The following CPNE1 variants were observed in gnomAD, a reference collection of about 807,000 sequenced individuals.
CPNE1 encodes the protein copine-1.
Under a neutral mutation model 63.2 loss-of-function variants are expected in CPNE1, and 58 were observed. The ratio of observed to expected loss-of-function variants is 0.92; its 90% CI spans 0.74 to 1.14. The LOEUF (loss-of-function observed/expected upper bound fraction) is 1.14, where lower values mean the gene tolerates loss of function less well. Among genes scored for constraint, CPNE1 ranks in the 50% most tolerant of loss-of-function variants. CPNE1 has a pLI of 0.00. For synonymous variants in CPNE1, 237 were observed against 249.0 expected, an observed-to-expected ratio of 0.95 and a Z score of 0.45; for missense variants, 672 against 661.7, an observed-to-expected ratio of 1.02 and a Z score of -0.17.
At chr20:35,630,081 G>A (rs2032017594) in intron 13 of CPNE1, among the ~76,000 whole-genome samples, 1 of 152,084 alleles carries the variant, frequency 6.6e-6, no homozygotes, top group African/African-American at 2.4e-5. Flanking sequence ...ATCACCTGAG[G>A]TCAGGAATTC....
chr20:35,654,106 TGAG>T, intron 1 of CPNE1: 2 of 1,614,216 alleles, frequency 1.2e-6, no homozygotes, highest in South Asian at 1.1e-5. Context: ...GGGAAGTGTC[TGAG>T]GAGGGGGATG....
At chr20:35,647,768 T>C (rs1263310520) in intron 1 of CPNE1, among the ~76,000 whole-genome samples, 1 of 151,580 alleles carries the variant, frequency 6.6e-6, no homozygotes, top group African/African-American at 2.4e-5. Context: ...GAATTACCAT[T>C]TACCAGCTGG....
chr20:35,631,557 T>C lies in CPNE1; in HGVS notation c.649A>G (p.Ser217Gly). The C allele has an allele frequency of 6.2e-7, 1 of 1,614,022 alleles. No individual in the cohort carries two copies. Among genetic ancestry groups the C allele is most frequent in the Non-Finnish European group, 8.5e-7 (1 of 1,179,964 alleles). The change falls in exon 8 of 16, where the codon AGT becomes GGT. Residue 217 changes from serine (S) to glycine (G), a missense_variant. Coordinates refer to ENST00000397443, the MANE Select transcript of CPNE1 (RefSeq NM_152925.3). The stretch of plus-strand genomic sequence containing the variant: ...CCGATGAGATCATGTGACCCGTCAC[T>C]GTCATAATCGGAGCATTGCACCTGA... ...PIQVQCSDYD[S>G]DGSHDLIGTF... is the part of the protein sequence containing the mutation.
In CPNE1 at chr20:35,632,223, C is replaced by G. The variant is rs1204972772; in HGVS notation, c.396G>C (p.Gln132His). The change falls in exon 5 of 16, where the codon CAG becomes CAC. Residue 132 changes from glutamine (Q) to histidine (H), a missense_variant. Coordinates refer to ENST00000397443, the MANE Select transcript of CPNE1 (RefSeq NM_152925.3). Reference protein sequence around the residue: ...AGRGTITVSAQELKDNRVVTM... With the variant: ...AGRGTITVSAHELKDNRVVTM... ...TTACTACACGATTGTCCTTTAATTC[C>G]TGAGCTGAGACCTAGGTAGGGGAGA... 2 of 1,613,930 alleles carry G rather than the reference C, an allele frequency of 1.2e-6. No individual in the cohort carries two copies. The highest frequency in any genetic ancestry group is 2.2e-5 in the East Asian group (1 of 44,894).
At chr20:35,627,615 C>T (rs2031848331) in intron 13 of CPNE1, 2 of 492,188 alleles carry the variant, frequency 4.1e-6, no homozygotes, top group South Asian at 3.2e-5. Context: ...CCCTAAATCA[C>T]AGCTTGAATT....
chr20:35,632,703 G>A lies in CPNE1; in HGVS notation c.130-7C>T, dbSNP rs765512788. ...CCCGTTCAGTCCGGCCAAGCTGTGG[G>A]CAGAGGCCAGTAAGCATCACAGTCA... On this transcript the variant is annotated splice_region_variant and splice_polypyrimidine_tract_variant and intron_variant, in intron 2 of 15. Transcript: ENST00000397443. 8.6e-6 allele frequency: 8 copies of A among 931,734 alleles called. No homozygotes were observed. In the Admixed American group the frequency reaches 1.0e-4, roughly 12 times the overall value. 57.7% of individuals were successfully genotyped at this position (931,734 alleles called of 1,614,324 possible).
chr20:35,647,351 T>C (rs2033181547), intron 1 of CPNE1: 1 of 149,798 alleles, frequency 6.7e-6, no homozygotes, highest in African/African-American at 2.5e-5. Context: ...GCTTCACAAA[T>C]TGCGTGTCAT....
At chr20:35,653,516 G>T in intron 1 of CPNE1, 1 of 1,614,164 alleles carries the variant, frequency 6.2e-7, no homozygotes, top group Non-Finnish European at 8.5e-7. Flanking sequence ...CGGTGTAAGC[G>T]TTCAGACTTA....
intron 1 of CPNE1, among the ~76,000 whole-genome samples, chr20:35,639,988 A>G (rs1484167407): frequency 1.3e-5 from 2 of 152,154 alleles, no homozygotes; most frequent in Admixed American, 6.5e-5. Context: ...TGTGTGCCTC[A>G]GTAGGATAAG....
intron 1 of CPNE1, chr20:35,655,079 T>C (rs1568939650): frequency 1.9e-6 from 3 of 1,614,214 alleles, no homozygotes; most frequent in Non-Finnish European, 2.5e-6. Flanking sequence ...AGTTCAATCA[T>C]ATTCTGCATT....
chr20:35,658,891 T>C (rs1193273976), intron 1 of CPNE1: 8 of 710,990 alleles, frequency 1.1e-5, no homozygotes, highest in African/African-American at 8.8e-5. Context: ...TCTCATTTTA[T>C]TTTGTATAAA....
Position 35,631,166 on chromosome 20 carries a change from G to A in CPNE1, c.809C>T (p.Thr270Ile). ...CACATAGTCCAGAAAGGAGTACTCT[G>A]TTTCTACCTGCAAATGAAACCAGGG... The part of the protein sequence containing the change: ...TIRVKICRVE[T>I]EYSFLDYVMG... The change falls in exon 10 of 16, where the codon ACA becomes ATA. Residue 270 changes from threonine (T) to isoleucine (I), a missense_variant. Thr to Ile is a moderately conservative substitution (Grantham distance 89, BLOSUM62 -1). Coordinates refer to ENST00000397443, the MANE Select transcript of CPNE1 (RefSeq NM_152925.3). 1 of 1,614,064 alleles carries A rather than the reference G, an allele frequency of 6.2e-7. No homozygotes were observed.
At chr20:35,631,420 T>C (rs1196045338) in intron 8 of CPNE1, 66 bp from the exon 9 acceptor site, 1 of 1,600,426 alleles carries the variant, frequency 6.2e-7, no homozygotes, top group Non-Finnish European at 8.6e-7. Flanking sequence ...CGAGCTGCCT[T>C]CTCCTTCCTC....
intron 1 of CPNE1, among the ~76,000 whole-genome samples, chr20:35,659,918 G>C (rs2146374107): frequency 6.6e-6 from 1 of 152,194 alleles, no homozygotes; most frequent in South Asian, 2.1e-4. Flanking sequence ...TCAGTATTAA[G>C]ATTACCTACG....
At chr20:35,641,083 C>G (rs1469073065) in intron 1 of CPNE1, among the ~76,000 whole-genome samples, 1 of 152,224 alleles carries the variant, frequency 6.6e-6, no homozygotes, top group African/African-American at 2.4e-5. Flanking sequence ...TGTGCCCTAG[C>G]AGGGCACATT....
chr20:35,664,018 C>T (rs2034391294), intron 1 of CPNE1, among the ~76,000 whole-genome samples: 1 of 152,198 alleles, frequency 6.6e-6, no homozygotes, highest in South Asian at 2.1e-4. Context: ...TACTGGGGGA[C>T]CAAAGGCCTG....
rs563598177 is a variant in CPNE1 at position 35,630,385 on chromosome 20, G to T, written c.1102+54C>A. On this transcript the variant is annotated intron_variant, in intron 13 of 15. Transcript: ENST00000397443. ...CCCACTCTCCCTTTTACTCATGCAGGCTTGCCCCTCTTTGTGTGGACAGAC... is the reference window on the plus strand; with the variant it reads ...CCCACTCTCCCTTTTACTCATGCAGTCTTGCCCCTCTTTGTGTGGACAGAC... The T allele has an allele frequency of 2.1e-6, 3 of 1,455,518 alleles. No individual in the cohort carries two copies. The Admixed American group carries it at 5.1e-5, about 25-fold the overall frequency. The allele number at this position is 1,455,518 out of a possible 1,614,324, so 90.2% of individuals were successfully genotyped here.
chr20:35,662,948 T>C (rs1166638071), intron 1 of CPNE1, among the ~76,000 whole-genome samples: 1 of 152,218 alleles, frequency 6.6e-6, no homozygotes, highest in African/African-American at 2.4e-5. Context: ...AATTATACAT[T>C]ACAATCCATA....
intron 1 of CPNE1, among the ~76,000 whole-genome samples, chr20:35,648,587 C>G (rs957834382): frequency 9.9e-5 from 15 of 152,126 alleles, no homozygotes; most frequent in African/African-American, 3.4e-4. Context: ...ATGTCTAGCC[C>G]CCTCTAAAAC....
Sources: allele counts gnomAD v4.1 joint callset (sites outside exome capture counted in the v4.1 genomes callset), GRCh38; gene constraint gnomAD v4.1.1; transcripts MANE v1.5; gene names NCBI Gene and HGNC (gene_info 2026-07-23, HGNC 2026-07-21).